SORCS3: variants seen among roughly 807,000 people sequenced by gnomAD.
SORCS3 encodes sortilin related VPS10 domain containing receptor 3, also known as VPS10 domain-containing receptor SorCS3.
Under a neutral mutation model 146.3 loss-of-function variants are expected in SORCS3, and 57 were observed. The observed-to-expected ratio is 0.39, with a 90% confidence interval of 0.31 to 0.49. The LOEUF (loss-of-function observed/expected upper bound fraction) is 0.49, where lower values mean the gene tolerates loss of function less well. SORCS3 is among the 20% of genes least tolerant of loss of function. The probability of loss-of-function intolerance (pLI) is 0.92; values close to 1 mark genes in which losing one functional copy is unlikely to be tolerated. For missense variants in SORCS3, 1,341 were observed against 1,575.5 expected (o/e 0.85, Z 2.52); for synonymous variants, 653 against 618.5 (o/e 1.06, Z -0.83).
intron 1 of SORCS3, among the ~76,000 whole-genome samples, chr10:104,736,077 C>G (rs147717672): frequency 6.6e-6 from 1 of 152,280 alleles, no homozygotes; most frequent in African/African-American, 2.4e-5. Flanking sequence ...AAACAGCTGT[C>G]ATACAAGGGC....
chr10:105,176,967 G>A (rs537008731), intron 13 of SORCS3, among the ~76,000 whole-genome samples: 326 of 149,700 alleles, frequency 2.2e-3, no homozygotes, highest in African/African-American at 7.6e-3. Flanking sequence ...GGATTTATGT[G>A]TGTGTGTGTG....
At chr10:104,885,252 A>G (rs1178342007) in intron 2 of SORCS3, among the ~76,000 whole-genome samples, 1 of 152,184 alleles carries the variant, frequency 6.6e-6, no homozygotes. Context: ...TCTACTGGAC[A>G]TTTTGGAATC....
intron 1 of SORCS3, among the ~76,000 whole-genome samples, chr10:104,811,497 C>G (rs115454288): frequency 0.014 from 2,137 of 152,300 alleles, 31 homozygotes; most frequent in African/African-American, 0.036. Flanking sequence ...AGCTATAGAG[C>G]TTAAGTGAAG....
At chr10:104,878,303 A>G (rs1366963141) in intron 2 of SORCS3, among the ~76,000 whole-genome samples, 4 of 152,200 alleles carry the variant, frequency 2.6e-5, no homozygotes, top group African/African-American at 9.7e-5. Context: ...GGGATAAATT[A>G]ATAAAACAAC....
intron 1 of SORCS3, among the ~76,000 whole-genome samples, chr10:104,747,919 G>C (rs1215027087): frequency 6.6e-6 from 1 of 152,218 alleles, no homozygotes; most frequent in Non-Finnish European, 1.5e-5. Context: ...GAAACCTTGG[G>C]AAAGTTCTTC....
At chr10:104,689,269 G>A (rs951687439) in intron 1 of SORCS3, among the ~76,000 whole-genome samples, 2 of 152,178 alleles carry the variant, frequency 1.3e-5, no homozygotes, top group Admixed American at 6.5e-5. Flanking sequence ...TCATCCTTCA[G>A]TGTTCAGCTC....
chr10:105,049,342 G>A (rs1039729353), intron 5 of SORCS3, among the ~76,000 whole-genome samples: 1 of 151,880 alleles, frequency 6.6e-6, no homozygotes, highest in East Asian at 1.9e-4. Flanking sequence ...AAGCTATTCT[G>A]TCAGTGATTT....
intron 1 of SORCS3, among the ~76,000 whole-genome samples, chr10:104,681,263 A>C (rs921936551): frequency 6.6e-6 from 1 of 152,152 alleles, no homozygotes; most frequent in Non-Finnish European, 1.5e-5. Context: ...AGAGAGCTGG[A>C]GAGCGCAGCA....
chr10:104,708,228 T>C (rs1169947706), intron 1 of SORCS3, among the ~76,000 whole-genome samples: 3 of 152,132 alleles, frequency 2.0e-5, no homozygotes, highest in Non-Finnish European at 4.4e-5. Flanking sequence ...TGCAGCTGAG[T>C]AAATATACGG....
chr10:105,035,048 G>A (rs540679388), intron 4 of SORCS3, among the ~76,000 whole-genome samples: 1 of 152,270 alleles, frequency 6.6e-6, no homozygotes, highest in South Asian at 2.1e-4. Flanking sequence ...GGATATCACT[G>A]CTCCCTAATC....
At chr10:105,216,171 A>G (rs1317035522) in intron 18 of SORCS3, among the ~76,000 whole-genome samples, 1 of 152,172 alleles carries the variant, frequency 6.6e-6, no homozygotes, top group Non-Finnish European at 1.5e-5. Flanking sequence ...TTCAGGGAAG[A>G]GGAGGCTTAA....
chr10:104,932,917 G>T (rs2019221932), intron 3 of SORCS3, among the ~76,000 whole-genome samples: 1 of 151,966 alleles, frequency 6.6e-6, no homozygotes, highest in Non-Finnish European at 1.5e-5. Flanking sequence ...TTAAAATAGA[G>T]ACAGGGTCTT....
At chr10:105,004,239 G>C (rs184558930) in intron 4 of SORCS3, among the ~76,000 whole-genome samples, 1 of 152,280 alleles carries the variant, frequency 6.6e-6, no homozygotes, top group African/African-American at 2.4e-5. Context: ...CTTTGATGCT[G>C]TACCAGCCAG....
intron 1 of SORCS3, among the ~76,000 whole-genome samples, chr10:104,777,003 T>TG (rs1390640494): frequency 3.0e-5 from 1 of 32,962 alleles, no homozygotes; most frequent in Non-Finnish European, 5.9e-5. Flanking sequence ...GTGAGGGAGA[T>TG]GGGGGTGGTG....
intron 1 of SORCS3, among the ~76,000 whole-genome samples, chr10:104,723,764 T>C (rs1221536298): frequency 2.6e-5 from 4 of 152,268 alleles, no homozygotes; most frequent in Non-Finnish European, 5.9e-5. Context: ...TTTGTTGTTT[T>C]GAAGTCTGTT....
intron 14 of SORCS3, 84 bp from the exon 15 acceptor site, chr10:105,199,915 A>C: frequency 5.3e-6 from 5 of 938,472 alleles, no homozygotes; most frequent in Non-Finnish European, 8.5e-6. Context: ...GTGAATCTCT[A>C]TCTCCTTCCT....
intron 2 of SORCS3, among the ~76,000 whole-genome samples, chr10:104,864,531 G>A (rs865936338): frequency 6.6e-6 from 1 of 152,170 alleles, no homozygotes; most frequent in South Asian, 2.1e-4. Flanking sequence ...CTTGTCCATA[G>A]GGTCTCACTG....
At chr10:104,794,234 C>T (rs188595588) in intron 1 of SORCS3, among the ~76,000 whole-genome samples, 1 of 152,206 alleles carries the variant, frequency 6.6e-6, no homozygotes, top group African/African-American at 2.4e-5. Context: ...TTTGTCAGGC[C>T]TCGTGTCCAG....
chr10:105,104,323 T>A (rs1421885873), intron 6 of SORCS3, among the ~76,000 whole-genome samples: 3 of 152,266 alleles, frequency 2.0e-5, no homozygotes, highest in East Asian at 1.9e-4. Context: ...TTAAAGCAAA[T>A]TTTTTTGGTG....
Sources: allele counts gnomAD v4.1 joint callset (sites outside exome capture counted in the v4.1 genomes callset), GRCh38; gene constraint gnomAD v4.1.1; transcripts MANE v1.5; gene names NCBI Gene and HGNC (gene_info 2026-07-23, HGNC 2026-07-21).